The following TADA2A variants were observed in gnomAD, a reference collection of about 807,000 sequenced individuals.
The protein encoded by TADA2A is transcriptional adaptor 2A.
In TADA2A, 38 loss-of-function variants were observed where a neutral mutation model predicts 67.4. The observed-to-expected ratio is 0.56, with a 90% CI of 0.44 to 0.74. The LOEUF (loss-of-function observed/expected upper bound fraction) is 0.74. Ranked by LOEUF, TADA2A falls within the 30% of genes least tolerant of loss-of-function variation. The probability of loss-of-function intolerance (pLI) is 0.00; values close to 1 mark genes in which losing one functional copy is unlikely to be tolerated. For missense variants in TADA2A, 454 were observed against 547.0 expected, an observed-to-expected ratio of 0.83 and a Z score of 1.70; for synonymous variants, 192 against 181.6, an observed-to-expected ratio of 1.06 and a Z score of -0.46.
At chr17:37,450,318 G>A (rs964153898) in intron 8 of TADA2A, among the ~76,000 whole-genome samples, 10 of 152,182 alleles carry the variant, frequency 6.6e-5, no homozygotes, top group African/African-American at 2.2e-4. Context: ...TGCTTCTGGG[G>A]AATACCTGTG....
chr17:37,439,440 C>T (rs2052832652), intron 5 of TADA2A, among the ~76,000 whole-genome samples: 1 of 151,976 alleles, frequency 6.6e-6, no homozygotes, highest in East Asian at 1.9e-4. Flanking sequence ...GTGCAACCAC[C>T]CCTGGCTAAT....
chr17:37,440,377 G>T (rs1688481335), intron 5 of TADA2A, 128 bp from the exon 6 acceptor site: 5 of 1,075,874 alleles, frequency 4.6e-6, no homozygotes, highest in Middle Eastern at 2.8e-4. Flanking sequence ...ATATCTTTTT[G>T]ATATCAATTT....
chr17:37,458,690 TGA>T (rs1310226210), intron 9 of TADA2A, 103 bp downstream of exon 9: 5 of 999,204 alleles, frequency 5.0e-6, no homozygotes, highest in East Asian at 2.8e-5. Flanking sequence ...TCTGTGTCTG[TGA>T]GAGAGGCAAG....
chr17:37,430,091 G>A (rs2052526139), intron 4 of TADA2A, among the ~76,000 whole-genome samples: 1 of 152,200 alleles, frequency 6.6e-6, no homozygotes, highest in African/African-American at 2.4e-5. Flanking sequence ...TGGTAGTCAT[G>A]CTTATTCACT....
chr17:37,420,025 A>AAT lies in TADA2A; in HGVS notation c.26-3484_26-3483insAT, dbSNP rs1297300287. On this transcript the variant is annotated intron_variant, in intron 2 of 15. Transcript: ENST00000615182. ...GCAAGACTCCGTCTCAAAAAAAAAA[A>AAT]CTACTTTGCTCAGTGGCTGATGCCT... Among the ~76,000 whole-genome samples, 2 of 145,850 alleles carry AAT rather than the reference A, an allele frequency of 1.4e-5. 1 individual carries two copies. The highest frequency in any genetic ancestry group is 5.0e-5 in the African/African-American group (2 of 40,354).
At chr17:37,411,187 GC>G (rs2051854868) in intron 1 of TADA2A, 81 bp from the exon 2 acceptor site, 4 of 634,520 alleles carry the variant, frequency 6.3e-6, no homozygotes, top group Middle Eastern at 2.5e-4. Flanking sequence ...ATGTGGCAGA[GC>G]TGAGTATGTT....
chr17:37,442,586 T>C lies in TADA2A; in HGVS notation c.465T>C (p.Pro155=), dbSNP rs745836940. ...PFHSTDDPPR[P]TFDSLLSRDM... ...CAGCTACAGATGACCCTCCCCGACC[T>C]ACCTTTGACTCCTTGCTTTCTCGGG... The change falls in exon 7 of 16, where the codon CCT becomes CCC. Residue 155 remains proline (P), a synonymous_variant. Transcript: ENST00000615182. 7 of 1,613,878 alleles carry C rather than the reference T, an allele frequency of 4.3e-6. No homozygotes were observed. The highest frequency in any genetic ancestry group is 5.9e-6 in the Non-Finnish European group (7 of 1,179,976).
intron 2 of TADA2A, among the ~76,000 whole-genome samples, chr17:37,416,536 G>C (rs912240004): frequency 7.9e-5 from 12 of 151,924 alleles, no homozygotes; most frequent in African/African-American, 2.9e-4. Flanking sequence ...ATGTAGTCAA[G>C]TTTATTAACC....
In TADA2A at chr17:37,427,026, T is replaced by TG. The variant is rs778269676; in HGVS notation, c.192+20dup. On this transcript the variant is annotated intron_variant, in intron 4 of 15. Transcript: ENST00000615182. ...GAAATAATGGTAATGATGAAGTTGC[T>TG]GGGAATTTCTGTTCACTTTTTTTAA... 2 of 1,561,704 alleles carry TG rather than the reference T, an allele frequency of 1.3e-6. No homozygotes were observed. Among genetic ancestry groups the TG allele is most frequent in the Non-Finnish European group, 1.7e-6 (2 of 1,153,394 alleles).
chr17:37,413,751 C>G lies in TADA2A; in HGVS notation c.25+2361C>G, dbSNP rs201069438. 9.2e-5 allele frequency among the ~76,000 whole-genome samples: 14 copies of G among 151,984 alleles called. No homozygotes were observed. The East Asian group carries it at 1.2e-3, about 13-fold the overall frequency. ...AAGGTTGCAAAAAGATGATTCCCCC[C>G]CCACCCCCTGCCAAATCTAGTGCTC... is the stretch of plus-strand genomic sequence containing the variant. On this transcript the variant is annotated intron_variant, in intron 2 of 15. Coordinates refer to ENST00000615182, the MANE Select transcript of TADA2A (RefSeq NM_001166105.3).
intron 8 of TADA2A, among the ~76,000 whole-genome samples, chr17:37,456,979 A>C (rs181135410): frequency 1.3e-5 from 2 of 152,264 alleles, no homozygotes; most frequent in African/African-American, 4.8e-5. Context: ...CAGGAAACCA[A>C]GCAGGGCTTT....
chr17:37,471,288 A>T, intron 14 of TADA2A, 151 bp downstream of exon 14: 1 of 748,680 alleles, frequency 1.3e-6, no homozygotes, highest in Non-Finnish European at 2.3e-6. Context: ...AAACATCAGT[A>T]TGTTTTCAGA....
intron 2 of TADA2A, among the ~76,000 whole-genome samples, chr17:37,411,643 T>C (rs1019636306): frequency 6.6e-6 from 1 of 151,902 alleles, no homozygotes; most frequent in Non-Finnish European, 1.5e-5. Flanking sequence ...TTGGCCAGAC[T>C]GGTCTTGAAC....
intron 5 of TADA2A, 98 bp downstream of exon 5, chr17:37,437,927 G>A (rs750071511): frequency 8.7e-7 from 1 of 1,153,420 alleles, no homozygotes; most frequent in South Asian, 1.3e-5. Flanking sequence ...GAGAAAGTAT[G>A]TGTTGCTTTC....
At chr17:37,430,207 T>C (rs1217913037) in intron 4 of TADA2A, among the ~76,000 whole-genome samples, 1 of 152,212 alleles carries the variant, frequency 6.6e-6, no homozygotes. Flanking sequence ...TCATTCTGAT[T>C]ACATCATCCT....
intron 15 of TADA2A, among the ~76,000 whole-genome samples, chr17:37,475,369 G>C (rs1219977759): frequency 6.6e-6 from 1 of 151,912 alleles, no homozygotes; most frequent in South Asian, 2.1e-4. Context: ...GTAGAGATGG[G>C]GTTTCACCAT....
At chr17:37,411,788 G>C (rs1041437377) in intron 2 of TADA2A, among the ~76,000 whole-genome samples, 2 of 151,916 alleles carry the variant, frequency 1.3e-5, no homozygotes, top group Non-Finnish European at 2.9e-5. Context: ...AAAAATAAAC[G>C]ATGAAGTTAG....
rs1330700179 is a variant in TADA2A at position 37,423,631 on chromosome 17, T to C, written c.132+16T>C. Reference sequence around the variant, plus strand: ...CTGCTTGCAGGTAACTCACTAATGCTGGCTTCTCCTAGCCTAGTTTTATGC... The same window carrying C: ...CTGCTTGCAGGTAACTCACTAATGCCGGCTTCTCCTAGCCTAGTTTTATGC... On this transcript the variant is annotated intron_variant, in intron 3 of 15. Transcript: ENST00000615182. 6.3e-7 allele frequency: 1 copy of C among 1,580,892 alleles called. No homozygotes were observed. The highest frequency in any genetic ancestry group is 1.8e-5 in the Admixed American group (1 of 56,784).
intron 15 of TADA2A, among the ~76,000 whole-genome samples, chr17:37,474,925 T>G (rs2148053387): frequency 6.6e-6 from 1 of 152,302 alleles, no homozygotes; most frequent in East Asian, 1.9e-4. Context: ...GCTACTCTAC[T>G]GAGTGCTTTA....
Sources: allele counts gnomAD v4.1 joint callset (sites outside exome capture counted in the v4.1 genomes callset), GRCh38; gene constraint gnomAD v4.1.1; transcripts MANE v1.5; gene names NCBI Gene and HGNC (gene_info 2026-07-23, HGNC 2026-07-21).